Variants in VDAC3 observed in about 807,000 individuals in gnomAD.
The protein encoded by VDAC3 is non-selective voltage-gated ion channel VDAC3.
A neutral mutation model predicts 33.9 loss-of-function variants in VDAC3; 7 were observed. That is an observed-to-expected ratio of 0.21 (90% CI 0.12 to 0.39). VDAC3 has a LOEUF of 0.39. Ranked by LOEUF, VDAC3 falls within the 10% of genes least tolerant of loss-of-function variation. VDAC3 has a pLI of 1.00. For synonymous variants in VDAC3, 100 were observed against 122.4 expected (o/e 0.82, Z 1.21); for missense variants, 261 against 334.5 (o/e 0.78, Z 1.71).
intron 4 of VDAC3, among the ~76,000 whole-genome samples, chr8:42,396,101 C>CA (rs11291558): frequency 6.6e-6 from 1 of 151,762 alleles, no homozygotes; most frequent in African/African-American, 2.4e-5. Flanking sequence ...ACTAAAAATA[C>CA]AAAAAAATTA....
chr8:42,398,885 T>G (rs2130888336), intron 5 of VDAC3, 21 bp downstream of exon 5: 1 of 1,609,700 alleles, frequency 6.2e-7, no homozygotes, highest in East Asian at 2.2e-5. Flanking sequence ...GCATTAGAAG[T>G]TATTCATAGG....
chr8:42,403,523 T>C, intron 8 of VDAC3, 62 bp downstream of exon 8: 2 of 1,459,308 alleles, frequency 1.4e-6, no homozygotes, highest in Non-Finnish European at 1.8e-6. Context: ...TCAGAGAATG[T>C]TGTGATATGA....
At chr8:42,402,877 A>G (rs1802441323) in intron 7 of VDAC3, among the ~76,000 whole-genome samples, 1 of 152,218 alleles carries the variant, frequency 6.6e-6, no homozygotes, top group Non-Finnish European at 1.5e-5. Flanking sequence ...GGTGCTTTCT[A>G]ACTGTAGGAT....
chr8:42,399,781 T>G, intron 6 of VDAC3, 78 bp downstream of exon 6: 2 of 1,393,020 alleles, frequency 1.4e-6, no homozygotes, highest in South Asian at 2.4e-5. Flanking sequence ...GGAGATATAG[T>G]GCAAAGTTCA....
chr8:42,398,851 C>G lies in VDAC3; in HGVS notation c.257C>G (p.Ser86Cys), dbSNP rs375633342. The G allele has an allele frequency of 1.2e-5, 19 of 1,613,460 alleles. No individual in the cohort carries two copies. Among genetic ancestry groups the G allele is most frequent in the Non-Finnish European group, 1.6e-5 (19 of 1,179,910 alleles). ...GACAATACTCTAGGGACAGAAATCT[C>G]TTGGGAGAATAAGGTAAGAGAACGC... ...NTDNTLGTEI[S>C]WENKLAEGLK... is the part of the protein sequence containing the mutation. Residue 86 changes from serine to cysteine, a missense_variant, in exon 5 of 10, where the codon TCT (serine) becomes TGT (cysteine). Coordinates refer to ENST00000022615, the MANE Select transcript of VDAC3 (RefSeq NM_005662.7).
Position 42,397,987 on chromosome 8 carries a change from G to A in VDAC3, c.118-725G>A, listed in dbSNP as rs570528447. On this transcript the variant is annotated intron_variant, in intron 4 of 9. Coordinates refer to ENST00000022615, the MANE Select transcript of VDAC3 (RefSeq NM_005662.7). ...CATTTTTAAAAGGAAGTAGTAAAGT[G>A]TTGACCCTATTAAAAAGGAGGAGGG... Among the ~76,000 whole-genome samples, 9 of 152,288 alleles carry A rather than the reference G, an allele frequency of 5.9e-5. No homozygotes were observed. In the South Asian group the frequency reaches 1.2e-3, roughly 21 times the overall value.
At position 42,405,710 on chromosome 8, in the gene VDAC3, G is replaced by A. The variant is rs768588393; in HGVS notation, c.*248G>A. On this transcript the variant is annotated 3_prime_UTR_variant, in exon 10 of 10. Transcript: ENST00000022615. Reference sequence around the variant, plus strand: ...GTTCAGTTCTGAAGTGTTATTAAATGTGTTCCTCAGCGACAGTGTAGCGTC... The same window carrying A: ...GTTCAGTTCTGAAGTGTTATTAAATATGTTCCTCAGCGACAGTGTAGCGTC... The A allele has an allele frequency of 1.0e-4, 42 of 419,716 alleles. No homozygotes were observed. Among genetic ancestry groups the A allele is most frequent in the African/African-American group, 3.2e-4 (16 of 49,522 alleles). 26.0% of individuals were successfully genotyped at this position (419,716 alleles called of 1,614,324 possible). A position where few individuals can be genotyped will look rare whatever the true frequency, so the allele number is the denominator to read the frequency against.
In VDAC3 at chr8:42,405,755, G is replaced by T. The variant is rs942383142; in HGVS notation, c.*293G>T. Reference sequence around the variant, plus strand: ...AGCGTCATGTTAGAGGAGACGATCTGACCCACCAGTTTGTACATCACGTCC... The same window carrying T: ...AGCGTCATGTTAGAGGAGACGATCTTACCCACCAGTTTGTACATCACGTCC... On this transcript the variant is annotated 3_prime_UTR_variant, in exon 10 of 10. Transcript: ENST00000022615. 1 of 284,144 alleles carries T rather than the reference G, an allele frequency of 3.5e-6. No homozygotes were observed. 17.6% of individuals were successfully genotyped at this position (284,144 alleles called of 1,614,324 possible). A position where few individuals can be genotyped will look rare whatever the true frequency, so the allele number is the denominator to read the frequency against.
intron 4 of VDAC3, among the ~76,000 whole-genome samples, chr8:42,396,346 AT>A (rs1470891850): frequency 1.3e-5 from 2 of 152,178 alleles, no homozygotes; most frequent in Non-Finnish European, 2.9e-5. Context: ...CATTGGCTGC[AT>A]CGTTTTTGGT....
chr8:42,394,820 C>CT (rs1233025639), intron 3 of VDAC3, among the ~76,000 whole-genome samples: 1 of 152,024 alleles, frequency 6.6e-6, no homozygotes, highest in Non-Finnish European at 1.5e-5. Context: ...AATTTTGATT[C>CT]TTGGAATAGT....
intron 1 of VDAC3, among the ~76,000 whole-genome samples, chr8:42,392,824 ATACT>A (rs1253423557): frequency 2.6e-5 from 4 of 152,214 alleles, no homozygotes; most frequent in East Asian, 1.9e-4. Flanking sequence ...CTGCATTTCT[ATACT>A]TACTTCCCAA....
intron 7 of VDAC3, among the ~76,000 whole-genome samples, chr8:42,402,510 G>C (rs1802433395): frequency 6.6e-6 from 1 of 152,162 alleles, no homozygotes; most frequent in Non-Finnish European, 1.5e-5. Context: ...GAAGTAACAG[G>C]TGCTCTGAAA....
intron 7 of VDAC3, among the ~76,000 whole-genome samples, chr8:42,402,508 AGGTGCTCTGAAAGAGTCCTG>A (rs1180588308): frequency 1.3e-5 from 2 of 152,210 alleles, no homozygotes; most frequent in Non-Finnish European, 2.9e-5. Flanking sequence ...CAGAAGTAAC[AGGTGCTCTGAAAGAGTCCTG>A]GGATTCAGTT....
At position 42,394,154 on chromosome 8, in the gene VDAC3, G is replaced by A; in HGVS notation, c.-2-56G>A. ...AGGATTAAACAGCAGAAGAACTGTGGGTGAATAAATACTAAATGGTTATTT... is the reference window on the plus strand; with the variant it reads ...AGGATTAAACAGCAGAAGAACTGTGAGTGAATAAATACTAAATGGTTATTT... On this transcript the variant is annotated intron_variant, in intron 2 of 9. Transcript: ENST00000022615. 3 of 1,479,114 alleles carry A rather than the reference G, an allele frequency of 2.0e-6. No individual in the cohort carries two copies. The South Asian group carries it at 3.4e-5, about 17-fold the overall frequency. 91.6% of individuals were successfully genotyped at this position (1,479,114 alleles called of 1,614,324 possible).
At chr8:42,401,500 T>G (rs1295823939) in intron 6 of VDAC3, among the ~76,000 whole-genome samples, 1 of 152,198 alleles carries the variant, frequency 6.6e-6, no homozygotes, top group African/African-American at 2.4e-5. Context: ...CAGCCTCTTA[T>G]TCATTCTTAT....
intron 4 of VDAC3, chr8:42,396,870 T>G: frequency 1.8e-6 from 1 of 556,110 alleles, no homozygotes; most frequent in Non-Finnish European, 3.2e-6. Flanking sequence ...AATGTAGAGC[T>G]ATATGCATGT....
intron 6 of VDAC3, among the ~76,000 whole-genome samples, chr8:42,401,085 G>C (rs547396825): frequency 6.6e-6 from 1 of 152,206 alleles, no homozygotes; most frequent in South Asian, 2.1e-4. Flanking sequence ...TGTATATTGG[G>C]GATTAATTCT....
chr8:42,402,062 AT>A (rs1563423094), intron 7 of VDAC3, 47 bp downstream of exon 7: 2 of 1,567,180 alleles, frequency 1.3e-6, no homozygotes, highest in Non-Finnish European at 1.7e-6. Flanking sequence ...GTTGCCCAAA[AT>A]ATTGTAGCCA....
intron 5 of VDAC3, chr8:42,399,445 C>T (rs1802376728): frequency 1.4e-5 from 6 of 427,178 alleles, no homozygotes; most frequent in Non-Finnish European, 2.6e-5. Context: ...AGGATTTGCC[C>T]CATTTTTTAG....
Sources: allele counts gnomAD v4.1 joint callset (sites outside exome capture counted in the v4.1 genomes callset), GRCh38; gene constraint gnomAD v4.1.1; transcripts MANE v1.5; gene names NCBI Gene and HGNC (gene_info 2026-07-23, HGNC 2026-07-21).